Variants in CLDN15 observed in about 807,000 individuals in gnomAD.
The protein encoded by CLDN15 is claudin-15.
In CLDN15, 9 loss-of-function variants were observed where a neutral mutation model predicts 24.5. The observed-to-expected ratio is 0.37, with a 90% CI of 0.22 to 0.64. CLDN15 has a LOEUF of 0.64. Among genes scored for constraint, CLDN15 ranks in the 30% least tolerant of loss-of-function variants. CLDN15 has a pLI of 0.63. For synonymous variants in CLDN15, 149 were observed against 131.4 expected (o/e 1.13, Z -0.92); for missense variants, 248 against 305.9 (o/e 0.81, Z 1.41).
At chr7:101,232,769 G>A (rs767565567) in intron 3 of CLDN15, 49 bp from the exon 4 acceptor site, 7 of 1,569,580 alleles carry the variant, frequency 4.5e-6, no homozygotes, top group Non-Finnish European at 6.1e-6. Flanking sequence ...GACGCCAGCC[G>A]GGGGGCAGGG....
At chr7:101,238,129 A>T, upstream of CLDN15, 1 of 185,216 alleles carries the variant, frequency 5.4e-6, no homozygotes, top group Non-Finnish European at 1.2e-5. Context: ...AATGAACAGC[A>T]GCCTTCAGTG....
intron 1 of CLDN15, among the ~76,000 whole-genome samples, chr7:101,235,521 C>G (rs1261977272): frequency 6.6e-6 from 1 of 152,200 alleles, no homozygotes; most frequent in Non-Finnish European, 1.5e-5. Context: ...TTTCTCAGAG[C>G]TGGAGGCTGC....
chr7:101,237,952 CG>C (rs767034599), upstream of CLDN15: 16 of 317,620 alleles, frequency 5.0e-5, no homozygotes, highest in Admixed American at 8.3e-5. The surrounding 1 kb of genome is among the most constrained non-coding windows in gnomAD (Gnocchi z 4.0). Flanking sequence ...GAGCCACTGA[CG>C]GATACAGCCA....
Position 101,232,724 on chromosome 7 carries a change from C to T in CLDN15, c.465-4G>A, listed in dbSNP as rs375279903. On this transcript the variant is annotated splice_region_variant and splice_polypyrimidine_tract_variant and intron_variant, in intron 3 of 4. Transcript: ENST00000308344. ...GAGGGCGGGGCCCAGCTCGTACCTG[C>T]GCACAAGGGCGGCGCGGGGGCGGGG... is the stretch of plus-strand genomic sequence containing the variant. 61 of 1,592,380 alleles carry T rather than the reference C, an allele frequency of 3.8e-5. 1 individual carries two copies. The Middle Eastern group carries it at 1.4e-3, about 36-fold the overall frequency.
intron 3 of CLDN15, 31 bp from the exon 4 acceptor site, chr7:101,232,751 A>C: frequency 1.3e-6 from 2 of 1,582,362 alleles, no homozygotes; most frequent in Non-Finnish European, 1.7e-6. Flanking sequence ...GGGGCGGGGG[A>C]CAAGTGAGAC....
chr7:101,232,744 G>T (rs770538857), intron 3 of CLDN15, 24 bp from the exon 4 acceptor site: 2 of 1,588,496 alleles, frequency 1.3e-6, no homozygotes, highest in Non-Finnish European at 1.7e-6. Flanking sequence ...CGGCGCGGGG[G>T]CGGGGGACAA....
chr7:101,232,278 G>A lies in CLDN15; in HGVS notation c.*132C>T. 6 of 628,278 alleles carry A rather than the reference G, an allele frequency of 9.5e-6. No homozygotes were observed. The South Asian group carries it at 9.9e-5, about 10-fold the overall frequency. The allele number at this position is 628,278 out of a possible 1,614,324, so 38.9% of individuals were successfully genotyped here. A position where few individuals can be genotyped will look rare whatever the true frequency, so the allele number is the denominator to read the frequency against. On this transcript the variant is annotated 3_prime_UTR_variant, in exon 5 of 5. Coordinates refer to ENST00000308344, the MANE Select transcript of CLDN15 (RefSeq NM_014343.3). ...GGGGCCATGAGAGTGCAAGACACGG[G>A]GCCGTGGCCGGGGCGGGGCTACGGG...
chr7:101,234,064 C>G, intron 2 of CLDN15: 1 of 702,466 alleles, frequency 1.4e-6, no homozygotes, highest in Non-Finnish European at 2.6e-6. Flanking sequence ...GTGGCCAGCC[C>G]CTACTGGGAG....
chr7:101,233,168 T>G (rs563463452), intron 2 of CLDN15, among the ~76,000 whole-genome samples: 5 of 152,254 alleles, frequency 3.3e-5, no homozygotes, highest in Middle Eastern at 3.4e-3. Context: ...AACCTCCTCC[T>G]GCCTCTTCTC....
intron 2 of CLDN15, 194 bp downstream of exon 2, chr7:101,234,084 C>T: frequency 2.8e-6 from 2 of 715,056 alleles, no homozygotes; most frequent in Non-Finnish European, 5.1e-6. Context: ...GCTCAAGAAA[C>T]ACTGCCGATG....
intron 1 of CLDN15, 115 bp from the exon 2 acceptor site, chr7:101,234,557 G>T (rs1798588915): frequency 4.2e-6 from 3 of 715,870 alleles, no homozygotes; most frequent in Non-Finnish European, 7.1e-6. Flanking sequence ...CTCCCCAGTA[G>T]CTGGGATTAC....
upstream of CLDN15, chr7:101,238,474 G>A (rs960800545): frequency 2.0e-5 from 3 of 152,328 alleles, no homozygotes; most frequent in Non-Finnish European, 2.9e-5. Flanking sequence ...TGAGACGATT[G>A]CTTGAACTCA....
At chr7:101,235,528 C>T (rs1376868111) in intron 1 of CLDN15, among the ~76,000 whole-genome samples, 1 of 152,176 alleles carries the variant, frequency 6.6e-6, no homozygotes, top group Non-Finnish European at 1.5e-5. Flanking sequence ...GAGCTGGAGG[C>T]TGCGGGCTCC....
At position 101,236,409 on chromosome 7, in the gene CLDN15, C is replaced by T. The variant is rs554468807; in HGVS notation, c.217+956G>A. On this transcript the variant is annotated intron_variant, in intron 1 of 4. Transcript: ENST00000308344. ...CCCTAACTGCTCAGAGCAGCTCCAA[C>T]ATCCCCGGGGGTGAGCTCTCAAGCC... is the stretch of plus-strand genomic sequence containing the variant. Among the ~76,000 whole-genome samples the T allele has an allele frequency of 3.9e-5, 6 of 152,346 alleles. No individual in the cohort carries two copies. In the South Asian group the frequency reaches 1.2e-3, roughly 32 times the overall value.
At chr7:101,233,824 A>T (rs1373854354) in intron 2 of CLDN15, 1 of 156,252 alleles carries the variant, frequency 6.4e-6, no homozygotes, top group Non-Finnish European at 1.2e-5. Flanking sequence ...GGGTTTCACC[A>T]TGTTGGCCAG....
At position 101,232,642 on chromosome 7, in the gene CLDN15, G is replaced by T. The variant is rs780189931; in HGVS notation, c.543C>A (p.Ser181=). ...CCTCGTCAGAGCCGCAGCAGCAGGC[G>T]GAGCAGAGGCAGAGGCCACCCAGGA... The part of the protein sequence containing the change: ...ISILGGLCLC[S]ACCCGSDEDP... The change falls in exon 4 of 5, where the codon TCC becomes TCA. Residue 181 remains serine, a synonymous_variant. Transcript: ENST00000308344. The T allele has an allele frequency of 1.9e-6, 3 of 1,586,362 alleles. No individual in the cohort carries two copies. The African/African-American group carries it at 4.0e-5, about 21-fold the overall frequency.
rs768301471 is a variant in CLDN15, at chr7:101,232,957, A to G, written c.383-43T>C. On this transcript the variant is annotated intron_variant, in intron 2 of 4. Transcript: ENST00000308344. ...ACCCCAGTCCAGTCCAGGGGGAGGG[A>G]TAGTGGGGGAGGGGGCTTAGGGGAG... The G allele has an allele frequency of 4.8e-5, 50 of 1,036,342 alleles. No individual in the cohort carries two copies. The African/African-American group carries it at 7.0e-4, about 14-fold the overall frequency. The allele number at this position is 1,036,342 out of a possible 1,614,324, so 64.2% of individuals were successfully genotyped here.
Position 101,237,593 on chromosome 7 carries a change from G to A in CLDN15, c.-12C>T, listed in dbSNP as rs1184694548. On this transcript the variant is annotated 5_prime_UTR_variant, in exon 1 of 5. Transcript: ENST00000308344. This position sits in a 1 kb window ranked among gnomAD's most constrained non-coding sequence, Gnocchi z 4.0. ...ACAGCCATCGACATGGTGGGATGCAGGACCCTGGGGGGCTGGTGCCCCAGA... is the reference window on the plus strand; with the variant it reads ...ACAGCCATCGACATGGTGGGATGCAAGACCCTGGGGGGCTGGTGCCCCAGA... 6.2e-7 allele frequency: 1 copy of A among 1,604,268 alleles called. No homozygotes were observed. Among genetic ancestry groups the A allele is most frequent in the African/African-American group, 1.3e-5 (1 of 74,798 alleles).
chr7:101,237,875 T>G, upstream of CLDN15: 3 of 397,234 alleles, frequency 7.6e-6, no homozygotes, highest in East Asian at 5.0e-5. The surrounding 1 kb of genome is among the most constrained non-coding windows in gnomAD (Gnocchi z 4.0). Context: ...GTCCACCCCC[T>G]CCCCCCAGCC....
Sources: allele counts gnomAD v4.1 joint callset (sites outside exome capture counted in the v4.1 genomes callset), GRCh38; gene constraint gnomAD v4.1.1; non-coding constraint Gnocchi (gnomAD v3.1); transcripts MANE v1.5; gene names NCBI Gene and HGNC (gene_info 2026-07-23, HGNC 2026-07-21).